The following SYT14 variants were observed in gnomAD, a reference collection of about 807,000 sequenced individuals.
SYT14 encodes synaptotagmin 14, also known as synaptotagmin-14.
SYT14 carries 32 observed loss-of-function variants against 74.2 expected under a neutral mutation model. The observed-to-expected ratio is 0.43, with a 90% CI of 0.33 to 0.58. The LOEUF (loss-of-function observed/expected upper bound fraction) is 0.58, where lower values mean the gene tolerates loss of function less well. Among genes scored for constraint, SYT14 ranks in the 20% least tolerant of loss-of-function variants. SYT14 has a pLI of 0.05. For missense variants in SYT14, 791 were observed against 981.8 expected (o/e 0.81, Z 2.60); for synonymous variants, 298 against 337.7 (o/e 0.88, Z 1.29).
chr1:210,094,900 G>A (rs1169885974), intron 6 of SYT14, among the ~76,000 whole-genome samples: 1 of 151,864 alleles, frequency 6.6e-6, no homozygotes, highest in African/African-American at 2.4e-5. Context: ...TCATCTTGAG[G>A]TTACTATTTG....
chr1:210,099,897 C>A, intron 6 of SYT14, 115 bp from the exon 6 acceptor site: 2 of 1,054,340 alleles, frequency 1.9e-6, no homozygotes, highest in Non-Finnish European at 1.4e-6. Flanking sequence ...TATTGTATTA[C>A]TTTCTTTGTG....
intron 5 of SYT14, among the ~76,000 whole-genome samples, chr1:210,048,678 A>G (rs1288787467): frequency 6.6e-6 from 1 of 152,076 alleles, no homozygotes; most frequent in Non-Finnish European, 1.5e-5. Context: ...GCCCCTCCCA[A>G]ATCTCATACC....
intron 5 of SYT14, among the ~76,000 whole-genome samples, chr1:210,063,181 T>C (rs2081237392): frequency 6.6e-6 from 1 of 151,714 alleles, no homozygotes; most frequent in Admixed American, 6.6e-5. Flanking sequence ...TGTTTTCTTC[T>C]AGTATTTTTA....
At chr1:209,951,381 C>T (rs555561882) in intron 1 of SYT14, among the ~76,000 whole-genome samples, 128 of 152,284 alleles carry the variant, frequency 8.4e-4, no homozygotes, top group African/African-American at 2.8e-3. Flanking sequence ...TGAGATCATG[C>T]AGTATCTGTC....
chr1:210,017,962 G>A (rs994920583), intron 4 of SYT14, among the ~76,000 whole-genome samples: 2 of 152,156 alleles, frequency 1.3e-5, no homozygotes, highest in Admixed American at 1.3e-4. Flanking sequence ...CGGTAATGAG[G>A]AAGACTTTTC....
intron 7 of SYT14, among the ~76,000 whole-genome samples, chr1:210,116,009 A>G (rs944976675): frequency 7.9e-5 from 12 of 151,026 alleles, no homozygotes; most frequent in African/African-American, 3.0e-4. Context: ...ATTATAGTCA[A>G]TAGGGGTTGT....
At position 210,160,928 on chromosome 1, in the gene SYT14, C is replaced by CT. The variant is rs1289800911; in HGVS notation, c.2482dup (p.Trp828LeufsTer19). 1 of 1,613,964 alleles carries CT rather than the reference C, an allele frequency of 6.2e-7. No homozygotes were observed. The highest frequency in any genetic ancestry group is 8.5e-7 in the Non-Finnish European group (1 of 1,179,900). On this transcript the variant is annotated frameshift_variant, in exon 10 of 10. Coordinates refer to ENST00000637265, the Ensembl canonical transcript of SYT14. LOFTEE classifies it high-confidence loss of function. ...GCATGAAAAGAAAAGAGATGATAGG[C>CT]TGGATTTCTTTAGGTCTCAACAGCT...
intron 5 of SYT14, among the ~76,000 whole-genome samples, chr1:210,062,686 A>G (rs2081227680): frequency 6.6e-6 from 1 of 151,884 alleles, no homozygotes; most frequent in African/African-American, 2.4e-5. Context: ...TTTCACTCCC[A>G]TTTCAAATTG....
chr1:210,083,609 G>T (rs227169), intron 5 of SYT14, among the ~76,000 whole-genome samples: 51,916 of 150,494 alleles, frequency 0.34, 9,855 homozygotes, highest in Non-Finnish European at 0.42. Context: ...TCACTGTGTT[G>T]CCCAGGCTGG....
At chr1:210,078,837 C>G (rs2081564554) in intron 5 of SYT14, among the ~76,000 whole-genome samples, 2 of 151,512 alleles carry the variant, frequency 1.3e-5, no homozygotes. Context: ...GCCTCGACTT[C>G]TCAGGCTCAA....
chr1:209,975,142 A>G (rs1389231466), intron 2 of SYT14, among the ~76,000 whole-genome samples: 4 of 152,200 alleles, frequency 2.6e-5, no homozygotes, highest in African/African-American at 9.6e-5. Context: ...TAGATATACA[A>G]TCACGTCATA....
intron 2 of SYT14, among the ~76,000 whole-genome samples, chr1:210,010,967 G>A (rs950667633): frequency 6.6e-6 from 1 of 152,158 alleles, no homozygotes; most frequent in Non-Finnish European, 1.5e-5. Context: ...TATAGTATCT[G>A]CTGTATGGTT....
chr1:210,017,144 AT>A (rs11356709), intron 4 of SYT14: 1,104,902 of 1,182,448 alleles, frequency 0.93, 516,874 homozygotes, highest in East Asian at 1. Context: ...TTTTCTCTTG[AT>A]TTTTTTTAAA....
chr1:210,122,672 A>G (rs1047905357), intron 7 of SYT14, among the ~76,000 whole-genome samples: 1 of 152,058 alleles, frequency 6.6e-6, no homozygotes, highest in Non-Finnish European at 1.5e-5. Flanking sequence ...GTACAAAAAA[A>G]CAGACCACAT....
chr1:210,149,146 A>G (rs2083106276), intron 7 of SYT14, among the ~76,000 whole-genome samples: 1 of 151,648 alleles, frequency 6.6e-6, no homozygotes, highest in South Asian at 2.1e-4. Context: ...ATGTATATAT[A>G]CATACATATA....
exon 10 of SYT14, chr1:210,163,815 T>C (rs2083422233): frequency 2.2e-6 from 1 of 453,724 alleles, no homozygotes; most frequent in East Asian, 6.9e-5. Flanking sequence ...CTTTGTGTGC[T>C]TGAATTTGCA....
At chr1:210,113,744 GA>G (rs1450336037) in intron 7 of SYT14, among the ~76,000 whole-genome samples, 1 of 151,040 alleles carries the variant, frequency 6.6e-6, no homozygotes, top group Non-Finnish European at 1.5e-5. Flanking sequence ...TGTAGCCTAG[GA>G]ATAGTCAGGG....
At chr1:210,161,037 T>C in exon 10 of SYT14, 1 of 1,613,414 alleles carries the variant, frequency 6.2e-7, no homozygotes, top group African/African-American at 1.3e-5. Flanking sequence ...GTTGCTAGAG[T>C]CATGATGAAT....
chr1:209,951,364 A>C (rs1420067754), intron 1 of SYT14, among the ~76,000 whole-genome samples: 2 of 152,190 alleles, frequency 1.3e-5, no homozygotes, highest in South Asian at 4.1e-4. Context: ...TAGATTCCAC[A>C]TACAAGTGAG....
Sources: gnomAD v4.1 joint callset for allele counts (sites outside exome capture counted in the v4.1 genomes callset) on GRCh38, gnomAD v4.1.1 for gene constraint, MANE v1.5 for transcripts, NCBI Gene and HGNC (gene_info 2026-07-23, HGNC 2026-07-21) for gene names.